Variants in ZSCAN32 observed in about 807,000 individuals in gnomAD.
The protein encoded by ZSCAN32 is zinc finger and SCAN domain containing 32.
Under a neutral mutation model 47.4 loss-of-function variants are expected in ZSCAN32, and 52 were observed. The ratio of observed to expected loss-of-function variants is 1.10; its 90% CI spans 0.88 to 1.38. The LOEUF is 1.38. Among genes scored for constraint, ZSCAN32 ranks in the 40% most tolerant of loss-of-function variants. The pLI is 0.00. For synonymous variants in ZSCAN32, 346 were observed against 305.7 expected, an observed-to-expected ratio of 1.13 and a Z score of -1.38; for missense variants, 959 against 846.0, an observed-to-expected ratio of 1.13 and a Z score of -1.66.
intron 3 of ZSCAN32, among the ~76,000 whole-genome samples, chr16:3,391,050 G>A (rs977653606): frequency 6.6e-6 from 1 of 151,922 alleles, no homozygotes; most frequent in Admixed American, 6.6e-5. Context: ...CTGTGACATC[G>A]CTTAAAAATA....
chr16:3,391,697 A>AAAAAAAAAAAAAAAAAAAAAAAC (rs767841047), intron 3 of ZSCAN32, among the ~76,000 whole-genome samples: 1 of 143,598 alleles, frequency 7.0e-6, no homozygotes, highest in Non-Finnish European at 1.5e-5. Context: ...AAAAAAAAAA[A>AAAAAAAAAAAAAAAAAAAAAAAC]CAAAATACTA....
chr16:3,383,915 T>TC lies in ZSCAN32; in HGVS notation c.1235-205dup, dbSNP rs1282030970. On this transcript the variant is annotated intron_variant, in intron 6 of 6. Transcript: ENST00000396852. ...ATTACAGGAAAATTATGCCCTAAAC[T>TC]CCAACTTTTCTCCTATCTTTTTTCG... The TC allele has an allele frequency of 1.2e-5, 7 of 604,812 alleles. No homozygotes were observed. In the South Asian group the frequency reaches 1.3e-4, roughly 12 times the overall value. 37.5% of individuals were successfully genotyped at this position (604,812 alleles called of 1,614,324 possible). A position where few individuals can be genotyped will look rare whatever the true frequency, so the allele number is the denominator to read the frequency against.
intron 3 of ZSCAN32, among the ~76,000 whole-genome samples, chr16:3,393,425 G>T (rs920495761): frequency 6.8e-6 from 1 of 147,214 alleles, no homozygotes; most frequent in Non-Finnish European, 1.5e-5. Context: ...GGGGTTTCAC[G>T]ATGTTAGCAA....
intron 3 of ZSCAN32, among the ~76,000 whole-genome samples, chr16:3,391,236 G>A (rs1005374170): frequency 6.6e-6 from 1 of 152,164 alleles, no homozygotes; most frequent in African/African-American, 2.4e-5. Flanking sequence ...AGCAAGTCCT[G>A]CTTCTCTTTA....
In ZSCAN32 at chr16:3,387,022, CT is replaced by C. The variant is rs372611555; in HGVS notation, c.752-2082del. ...TTGTTATTTCTAGGAAGAAATCTCA[CT>C]GTGGCTTTTTGTCTAAAACATGAAA... On this transcript the variant is annotated intron_variant, in intron 5 of 6. Coordinates refer to ENST00000396852, the MANE Select transcript of ZSCAN32 (RefSeq NM_001284527.2). Among the ~76,000 whole-genome samples, 74 of 151,832 alleles carry C rather than the reference CT, an allele frequency of 4.9e-4. 1 individual carries two copies. The South Asian group carries it at 0.015, about 32-fold the overall frequency.
intron 5 of ZSCAN32, among the ~76,000 whole-genome samples, chr16:3,386,989 A>G (rs1272655566): frequency 1.3e-5 from 2 of 151,940 alleles, no homozygotes; most frequent in Non-Finnish European, 2.9e-5. Flanking sequence ...CCGTGCCACA[A>G]CTGGCTATTG....
chr16:3,395,654 A>C (rs1415658563), intron 2 of ZSCAN32, among the ~76,000 whole-genome samples: 1 of 152,210 alleles, frequency 6.6e-6, no homozygotes, highest in Admixed American at 6.5e-5. Flanking sequence ...CTAATAAATT[A>C]GGTTTCAAAT....
intron 1 of ZSCAN32, among the ~76,000 whole-genome samples, chr16:3,399,077 GC>G (rs376609252): frequency 1.0e-3 from 154 of 152,248 alleles, no homozygotes; most frequent in African/African-American, 3.4e-3. Context: ...AAAAAAATTA[GC>G]TGGGCATGGT....
intron 3 of ZSCAN32, among the ~76,000 whole-genome samples, chr16:3,393,056 A>C (rs1166419915): frequency 1.4e-5 from 2 of 145,482 alleles, no homozygotes; most frequent in South Asian, 4.3e-4. Flanking sequence ...GAATTGTAAT[A>C]AAAAAGAATT....
intron 1 of ZSCAN32, among the ~76,000 whole-genome samples, chr16:3,399,174 G>GATC (rs1228386882): frequency 6.6e-6 from 1 of 152,164 alleles, no homozygotes; most frequent in Admixed American, 6.5e-5. Flanking sequence ...AGTGAGCTGT[G>GATC]ATCACGCCAT....
chr16:3,394,111 C>T (rs1262367913), intron 2 of ZSCAN32, among the ~76,000 whole-genome samples: 1 of 152,074 alleles, frequency 6.6e-6, no homozygotes, highest in African/African-American at 2.4e-5. Context: ...ACTAAAAATA[C>T]AAACATTAGC....
chr16:3,389,968 T>C, intron 5 of ZSCAN32, 42 bp downstream of exon 5: 5 of 1,558,428 alleles, frequency 3.2e-6, no homozygotes, highest in Non-Finnish European at 4.4e-6. Flanking sequence ...TCTGAACAAC[T>C]GAACACATCC....
Position 3,397,716 on chromosome 16 carries a change from G to GA in ZSCAN32, c.-160dup. ...CAGACATGTGTAGAGACTCACAGCG[G>GA]AAAAAAAGGGCTCAACTTTGAAGGA... On this transcript the variant is annotated 5_prime_UTR_variant, in exon 2 of 7. Coordinates refer to ENST00000396852, the MANE Select transcript of ZSCAN32 (RefSeq NM_001284527.2). 3.3e-6 allele frequency: 3 copies of GA among 906,718 alleles called. No homozygotes were observed. Among genetic ancestry groups the GA allele is most frequent in the Non-Finnish European group, 4.8e-6 (3 of 629,942 alleles). 56.2% of individuals were successfully genotyped at this position (906,718 alleles called of 1,614,324 possible).
At chr16:3,397,134 C>T (rs1466898509) in intron 2 of ZSCAN32, 58 bp downstream of exon 2, 2 of 1,468,070 alleles carry the variant, frequency 1.4e-6, no homozygotes, top group Admixed American at 2.7e-5. Context: ...TCTCCAGTAA[C>T]TGGATTCCCC....
chr16:3,397,596 A>C lies in ZSCAN32; in HGVS notation c.-39T>G. 1 of 1,477,472 alleles carries C rather than the reference A, an allele frequency of 6.8e-7. No homozygotes were observed. Among genetic ancestry groups the C allele is most frequent in the African/African-American group, 1.4e-5 (1 of 70,842 alleles). The allele number at this position is 1,477,472 out of a possible 1,614,324, so 91.5% of individuals were successfully genotyped here. A position where few individuals can be genotyped will look rare whatever the true frequency, so the allele number is the denominator to read the frequency against. The stretch of plus-strand genomic sequence containing the variant: ...CTGGCTTACTCTGGTTGCCACTTCT[A>C]CCCTGGAGATCAGAGTCCATCTTTC... On this transcript the variant is annotated 5_prime_UTR_variant, in exon 2 of 7. Coordinates refer to ENST00000396852, the MANE Select transcript of ZSCAN32 (RefSeq NM_001284527.2).
intron 5 of ZSCAN32, among the ~76,000 whole-genome samples, chr16:3,385,269 T>C (rs889300652): frequency 3.9e-5 from 6 of 152,292 alleles, no homozygotes; most frequent in African/African-American, 1.4e-4. Flanking sequence ...GAGGTTGCAG[T>C]GAGCTGAGAT....
In ZSCAN32 at chr16:3,393,731, T is replaced by C. The variant is rs1181261703; in HGVS notation, c.450A>G (p.Gln150=). 41 of 1,550,396 alleles carry C rather than the reference T, an allele frequency of 2.6e-5. No homozygotes were observed. The highest frequency in any genetic ancestry group is 3.9e-5 in the Admixed American group (2 of 50,976). Residue 150 remains glutamine (Q), a synonymous_variant, in exon 3 of 7, where the codon CAA becomes CAG. Coordinates refer to ENST00000396852, the MANE Select transcript of ZSCAN32 (RefSeq NM_001284527.2). The stretch of plus-strand genomic sequence containing the variant: ...CCTCTGGCTGAACCTCCTGTTTCCA[T>C]TGGGATCTCAGTGATTCTCTGGTTG... ...LGATRESLRS[Q]WKQEVQPEEP...
chr16:3,395,552 C>T (rs2033291762), intron 2 of ZSCAN32, among the ~76,000 whole-genome samples: 2 of 152,156 alleles, frequency 1.3e-5, no homozygotes, highest in South Asian at 2.1e-4. Flanking sequence ...CCTGAGGCCT[C>T]CACAGCCATG....
At chr16:3,400,367 A>G (rs550348760) in intron 1 of ZSCAN32, among the ~76,000 whole-genome samples, 70 of 152,252 alleles carry the variant, frequency 4.6e-4, no homozygotes, top group African/African-American at 1.1e-3. Context: ...TGCCTTCATT[A>G]TGTTCATCCT....
Sources: allele counts gnomAD v4.1 joint callset (sites outside exome capture counted in the v4.1 genomes callset), GRCh38; gene constraint gnomAD v4.1.1; transcripts MANE v1.5; gene names NCBI Gene and HGNC (gene_info 2026-07-23, HGNC 2026-07-21).